WDR7: variants seen among roughly 807,000 people sequenced by gnomAD.
WDR7 encodes WD repeat domain 7.
In WDR7, 46 loss-of-function variants were observed where a neutral mutation model predicts 169.4. The observed-to-expected ratio is 0.27, with a 90% CI of 0.21 to 0.35. The LOEUF is 0.35. Ranked by LOEUF, WDR7 falls within the 10% of genes least tolerant of loss-of-function variation. The pLI is 1.00. For missense variants in WDR7, 1,534 were observed against 1,859.3 expected, an observed-to-expected ratio of 0.83 and a Z score of 3.22; for synonymous variants, 612 against 666.8, an observed-to-expected ratio of 0.92 and a Z score of 1.27.
chr18:56,753,956 A>C (rs2043833400), intron 14 of WDR7, among the ~76,000 whole-genome samples: 1 of 151,980 alleles, frequency 6.6e-6, no homozygotes, highest in African/African-American at 2.4e-5. Context: ...ACAATCTAAG[A>C]AATATATAGC....
intron 7 of WDR7, among the ~76,000 whole-genome samples, chr18:56,689,947 T>G (rs1176608619): frequency 6.6e-6 from 1 of 152,100 alleles, no homozygotes; most frequent in Non-Finnish European, 1.5e-5. Context: ...TCATGGTAAA[T>G]GCAGCTAGGA....
intron 20 of WDR7, among the ~76,000 whole-genome samples, chr18:56,820,355 A>AC (rs1158752085): frequency 2.0e-5 from 3 of 146,840 alleles, no homozygotes; most frequent in Non-Finnish European, 3.0e-5. Flanking sequence ...AAAAAAAAAA[A>AC]AAAAAAAAAC....
chr18:56,859,361 G>T (rs1024787234), intron 20 of WDR7, among the ~76,000 whole-genome samples: 13 of 152,032 alleles, frequency 8.6e-5, no homozygotes, highest in Non-Finnish European at 1.8e-4. Context: ...TTTAGAGGTG[G>T]TCTGCCTGGT....
chr18:56,974,693 A>G (rs1356172328), intron 26 of WDR7, among the ~76,000 whole-genome samples: 1 of 152,214 alleles, frequency 6.6e-6, no homozygotes, highest in Non-Finnish European at 1.5e-5. Context: ...CAGTAAAGTG[A>G]AAGTCAATTA....
intron 20 of WDR7, among the ~76,000 whole-genome samples, chr18:56,816,565 T>A (rs2044974441): frequency 6.6e-6 from 1 of 152,226 alleles, no homozygotes; most frequent in African/African-American, 2.4e-5. Flanking sequence ...TTACTCTTTA[T>A]ACCTATACTG....
chr18:57,027,101 C>A lies in WDR7; in HGVS notation c.4367C>A (p.Ser1456Tyr). Residue 1456 changes from serine to tyrosine, a missense_variant, in exon 28 of 28, where the codon TCC becomes TAC. Coordinates refer to ENST00000254442, the MANE Select transcript of WDR7 (RefSeq NM_015285.3). Reference protein sequence around the residue: ...TYQVPPVQPASPGSHNALKLA... With the variant: ...TYQVPPVQPAYPGSHNALKLA... ...CAGGTGCCCCCTGTGCAGCCCGCGT[C>A]CCCCGGCTCCCACAATGCCCTCAAG... 6.2e-7 allele frequency: 1 copy of A among 1,614,176 alleles called. No individual in the cohort carries two copies. The highest frequency in any genetic ancestry group is 1.1e-5 in the South Asian group (1 of 91,088).
At chr18:56,962,582 G>T in intron 26 of WDR7, 53 bp downstream of exon 26, 1 of 1,542,564 alleles carries the variant, frequency 6.5e-7, no homozygotes, top group East Asian at 2.3e-5. Flanking sequence ...TTATTGAAAG[G>T]AGAGAGAGAC....
intron 12 of WDR7, among the ~76,000 whole-genome samples, chr18:56,710,191 C>T (rs943705071): frequency 1.3e-5 from 2 of 151,526 alleles, no homozygotes; most frequent in Non-Finnish European, 2.9e-5. Flanking sequence ...TTTTAGTAGA[C>T]ACGGGGTTTC....
rs557672984 is a variant in WDR7, at chr18:56,973,147, A to T, written c.4164+10618A>T. On this transcript the variant is annotated intron_variant, in intron 26 of 27. Transcript: ENST00000254442. ...TACCTCATCCTACCAAAGTGCTGGGATTACAGGCGCGAGCCACCGCGCCCG... is the reference window on the plus strand; with the variant it reads ...TACCTCATCCTACCAAAGTGCTGGGTTTACAGGCGCGAGCCACCGCGCCCG... Among the ~76,000 whole-genome samples, 9 of 152,352 alleles carry T rather than the reference A, an allele frequency of 5.9e-5. No individual in the cohort carries two copies. The South Asian group carries it at 1.9e-3, about 32-fold the overall frequency.
At chr18:56,984,706 G>C (rs776084381) in intron 26 of WDR7, among the ~76,000 whole-genome samples, 4 of 152,042 alleles carry the variant, frequency 2.6e-5, no homozygotes, top group African/African-American at 4.8e-5. Flanking sequence ...CTTCCCCTGG[G>C]TTCATTTTTG....
At chr18:56,682,401 C>T (rs111955227) in intron 4 of WDR7, among the ~76,000 whole-genome samples, 1 of 152,068 alleles carries the variant, frequency 6.6e-6, no homozygotes, top group Non-Finnish European at 1.5e-5. Context: ...GGGATAAAAA[C>T]AATTATCACG....
chr18:56,782,383 G>C (rs548797248), intron 19 of WDR7, among the ~76,000 whole-genome samples: 1 of 151,490 alleles, frequency 6.6e-6, no homozygotes, highest in African/African-American at 2.4e-5. Context: ...TTTTTTTAAG[G>C]TCCCTCAGTT....
chr18:56,846,615 T>C (rs2045572124), intron 20 of WDR7, among the ~76,000 whole-genome samples: 1 of 152,206 alleles, frequency 6.6e-6, no homozygotes, highest in Admixed American at 6.5e-5. Flanking sequence ...AACGGACTAA[T>C]ACAAATGGCT....
chr18:56,824,306 A>G (rs541293037), intron 20 of WDR7, among the ~76,000 whole-genome samples: 2 of 152,134 alleles, frequency 1.3e-5, no homozygotes, highest in African/African-American at 4.8e-5. Flanking sequence ...CATTGTACAC[A>G]CTTCTGCTCT....
At chr18:56,926,011 T>C (rs74563243) in intron 22 of WDR7, among the ~76,000 whole-genome samples, 2,049 of 152,332 alleles carry the variant, frequency 0.013, 47 homozygotes, top group African/African-American at 0.047. Flanking sequence ...ATGAAATGTC[T>C]TCCTATGTGG....
intron 24 of WDR7, among the ~76,000 whole-genome samples, chr18:56,938,890 TATTTA>T (rs2046997024): frequency 1.3e-5 from 2 of 151,832 alleles, no homozygotes; most frequent in African/African-American, 4.8e-5. Context: ...CTGGAAGACT[TATTTA>T]AATTTCCTCA....
intron 1 of WDR7, among the ~76,000 whole-genome samples, chr18:56,667,959 A>G (rs1021000832): frequency 6.6e-6 from 1 of 152,120 alleles, no homozygotes; most frequent in Non-Finnish European, 1.5e-5. Flanking sequence ...GGTGGTGGAG[A>G]CAGCCATTAA....
At chr18:56,848,258 C>T (rs1341373598) in intron 20 of WDR7, among the ~76,000 whole-genome samples, 1 of 152,140 alleles carries the variant, frequency 6.6e-6, no homozygotes, top group Non-Finnish European at 1.5e-5. Context: ...TTGCATGGGG[C>T]CTATTGCCAC....
At chr18:56,790,206 C>T (rs2044462114) in intron 19 of WDR7, among the ~76,000 whole-genome samples, 1 of 152,160 alleles carries the variant, frequency 6.6e-6, no homozygotes, top group Non-Finnish European at 1.5e-5. Context: ...CATGGTATTC[C>T]AGTACAGATA....
Sources: gnomAD v4.1 joint callset for allele counts (sites outside exome capture counted in the v4.1 genomes callset) on GRCh38, gnomAD v4.1.1 for gene constraint, MANE v1.5 for transcripts, NCBI Gene and HGNC (gene_info 2026-07-23, HGNC 2026-07-21) for gene names.